Variants in ZDHHC11 observed in about 807,000 individuals in gnomAD.
ZDHHC11 encodes the protein palmitoyltransferase ZDHHC11.
ZDHHC11 carries 44 observed loss-of-function variants against 51.3 expected under a neutral mutation model. That is an observed-to-expected ratio of 0.86 (90% CI 0.67 to 1.10). The LOEUF is 1.10. ZDHHC11 is among the 50% of genes least tolerant of loss of function. The pLI, the probability that ZDHHC11 is intolerant of heterozygous loss-of-function variation, is 0.00. For synonymous variants in ZDHHC11, 163 were observed against 222.0 expected (o/e 0.73, Z 2.36); for missense variants, 400 against 537.7 (o/e 0.74, Z 2.53).
rs1363311779 is a variant in ZDHHC11 at position 849,469 on chromosome 5, CAGG to C, written c.223-812_223-810del. Among the ~76,000 whole-genome samples, 6 of 152,262 alleles carry C rather than the reference CAGG, an allele frequency of 3.9e-5. 1 individual carries two copies. Among genetic ancestry groups the C allele is most frequent in the African/African-American group, 1.4e-4 (6 of 41,544 alleles). On this transcript the variant is annotated intron_variant, in intron 1 of 12. Coordinates refer to ENST00000283441, the MANE Select transcript of ZDHHC11 (RefSeq NM_024786.3). The stretch of plus-strand genomic sequence containing the variant: ...CACTGGGAGAGAAGACAGCCTCAGA[CAGG>C]AGGAGCAGGGGGAGGAGCGAGGGAG...
chr5:831,427 A>G (rs2150361710), intron 7 of ZDHHC11, among the ~76,000 whole-genome samples: 1 of 149,416 alleles, frequency 6.7e-6, no homozygotes, highest in Admixed American at 6.8e-5. Context: ...TACTAACGAC[A>G]CAAAAATTAG....
intron 11 of ZDHHC11, among the ~76,000 whole-genome samples, chr5:802,792 T>C (rs192361335): frequency 1.8e-5 from 2 of 112,756 alleles, no homozygotes; most frequent in East Asian, 5.2e-4. Flanking sequence ...GCTAACATGG[T>C]GAAACTCTGT....
At chr5:797,601 T>C (rs1359732157) in intron 12 of ZDHHC11, among the ~76,000 whole-genome samples, 5 of 151,658 alleles carry the variant, frequency 3.3e-5, no homozygotes, top group African/African-American at 1.2e-4. Context: ...ATCAGTGATA[T>C]TTCTCATAAG....
intron 11 of ZDHHC11, among the ~76,000 whole-genome samples, chr5:803,135 C>G (rs1397216082): frequency 1.3e-5 from 2 of 151,328 alleles, no homozygotes; most frequent in Non-Finnish European, 3.0e-5. Flanking sequence ...CAGCAACCTA[C>G]ATTCTTGGAG....
intron 8 of ZDHHC11, among the ~76,000 whole-genome samples, chr5:823,112 A>C (rs1317279023): frequency 6.6e-6 from 1 of 150,992 alleles, no homozygotes; most frequent in Admixed American, 6.6e-5. Context: ...GTGACAATGG[A>C]AGAAATAATT....
chr5:854,081 C>T (rs560469984), upstream of ZDHHC11, among the ~76,000 whole-genome samples: 6 of 130,856 alleles, frequency 4.6e-5, no homozygotes, highest in South Asian at 2.6e-4. Context: ...CCGAGGACAG[C>T]GAGCCGGGGG....
intron 8 of ZDHHC11, among the ~76,000 whole-genome samples, chr5:822,661 T>C (rs1312437856): frequency 4.0e-5 from 6 of 151,280 alleles, no homozygotes; most frequent in African/African-American, 1.5e-4. Context: ...ACACTTGATA[T>C]TGATCACCTT....
At chr5:849,640 C>T (rs1369349628) in intron 1 of ZDHHC11, 2 of 152,348 alleles carry the variant, frequency 1.3e-5, no homozygotes, top group South Asian at 2.1e-4. Flanking sequence ...CTCGAGGACC[C>T]CAGACTCACT....
At chr5:809,370 C>A (rs1324005916) in intron 11 of ZDHHC11, among the ~76,000 whole-genome samples, 1 of 141,904 alleles carries the variant, frequency 7.0e-6, no homozygotes, top group Non-Finnish European at 1.5e-5. Context: ...GTCCTAACCC[C>A]AGCGTTGTGT....
chr5:796,811 T>C lies in ZDHHC11; in HGVS notation c.*8-231A>G, dbSNP rs560724253. Among the ~76,000 whole-genome samples the C allele has an allele frequency of 8.5e-3, 1,298 of 152,008 alleles. 29 individuals are homozygous for C. Among genetic ancestry groups the C allele is most frequent in the African/African-American group, 0.03 (1,241 of 41,250 alleles). On this transcript the variant is annotated intron_variant, in intron 12 of 12. Coordinates refer to ENST00000283441, the MANE Select transcript of ZDHHC11 (RefSeq NM_024786.3). ...GCCCTCCCCATCCTTCCAGAAAGCTTAGAGATGAGTGCATCACCGACAGAG... is the reference window on the plus strand; with the variant it reads ...GCCCTCCCCATCCTTCCAGAAAGCTCAGAGATGAGTGCATCACCGACAGAG...
intron 12 of ZDHHC11, among the ~76,000 whole-genome samples, chr5:797,583 T>TA (rs1249564600): frequency 2.6e-5 from 4 of 151,418 alleles, no homozygotes; most frequent in Admixed American, 6.6e-5. Context: ...CCATCCACTT[T>TA]AAAAAAAATC....
At chr5:847,064 C>T (rs2150446196) in intron 3 of ZDHHC11, among the ~76,000 whole-genome samples, 2 of 139,784 alleles carry the variant, frequency 1.4e-5, no homozygotes, top group East Asian at 2.3e-4. Context: ...GTCTATGAGC[C>T]TCCACCGTGC....
upstream of ZDHHC11, among the ~76,000 whole-genome samples, chr5:855,394 C>G (rs147529518): frequency 1.3e-3 from 187 of 141,256 alleles, 1 homozygote; most frequent in Non-Finnish European, 2.4e-3. Flanking sequence ...ACAGACCCCA[C>G]AGAGGACAGC....
chr5:841,348 GTGCC>G, intron 4 of ZDHHC11: 1 of 919,798 alleles, frequency 1.1e-6, no homozygotes, highest in Non-Finnish European at 1.3e-6. Flanking sequence ...CGGGGTCACA[GTGCC>G]CACCCCTTCC....
upstream of ZDHHC11, among the ~76,000 whole-genome samples, chr5:859,926 C>T (rs186327487): frequency 1.5e-3 from 235 of 152,258 alleles, 2 homozygotes; most frequent in African/African-American, 5.3e-3. Context: ...GGGGTGAGGA[C>T]GGGAAGCTGG....
At chr5:822,580 C>T (rs528892160) in intron 8 of ZDHHC11, among the ~76,000 whole-genome samples, 5 of 151,704 alleles carry the variant, frequency 3.3e-5, no homozygotes, top group South Asian at 2.1e-4. Context: ...CCAAACTGCT[C>T]GCCAATGTGG....
chr5:850,831 A>C lies in ZDHHC11; in HGVS notation c.-229T>G. On this transcript the variant is annotated 5_prime_UTR_variant, in exon 1 of 13. Coordinates refer to ENST00000283441, the MANE Select transcript of ZDHHC11 (RefSeq NM_024786.3). ...ATGAACAGACATGCTGCAGAATGTG[A>C]CCCCGGCCAGAGCCGAGTGGCAACG... is the stretch of plus-strand genomic sequence containing the variant. 3.3e-6 allele frequency: 2 copies of C among 611,128 alleles called. No homozygotes were observed. Among genetic ancestry groups the C allele is most frequent in the Non-Finnish European group, 2.8e-6 (1 of 355,060 alleles). The allele number at this position is 611,128 out of a possible 1,614,324, so 37.9% of individuals were successfully genotyped here.
chr5:802,588 T>C (rs890896850), intron 11 of ZDHHC11, among the ~76,000 whole-genome samples: 1 of 150,470 alleles, frequency 6.6e-6, no homozygotes, highest in Non-Finnish European at 1.5e-5. Context: ...GTCCTTCCAC[T>C]GAAACAACCA....
rs1308531047 is a variant in ZDHHC11, at chr5:810,579, G to A, written c.1181+4182C>T. Reference sequence around the variant, plus strand: ...CATGATTTAAACAAAGTCCCTGATCGCTAGAAACAGATGTTTGTAATGTGC... The same window carrying A: ...CATGATTTAAACAAAGTCCCTGATCACTAGAAACAGATGTTTGTAATGTGC... On this transcript the variant is annotated intron_variant, in intron 11 of 12. Coordinates refer to ENST00000283441, the MANE Select transcript of ZDHHC11 (RefSeq NM_024786.3). Among the ~76,000 whole-genome samples the A allele has an allele frequency of 1.3e-5, 2 of 151,306 alleles. 1 individual carries two copies. Among genetic ancestry groups the A allele is most frequent in the Non-Finnish European group, 3.0e-5 (2 of 67,664 alleles).
Sources: allele counts gnomAD v4.1 joint callset (sites outside exome capture counted in the v4.1 genomes callset), GRCh38; gene constraint gnomAD v4.1.1; transcripts MANE v1.5; gene names NCBI Gene and HGNC (gene_info 2026-07-23, HGNC 2026-07-21).